Variants in UNC13C observed in about 807,000 individuals in gnomAD.
UNC13C encodes the protein unc-13 homolog C.
In UNC13C, 174 loss-of-function variants were observed where a neutral mutation model predicts 245.4. The observed-to-expected ratio is 0.71, with a 90% CI of 0.63 to 0.80. The LOEUF (loss-of-function observed/expected upper bound fraction) is 0.80. Ranked by LOEUF, UNC13C falls within the 30% of genes least tolerant of loss-of-function variation. The pLI is 0.00. For missense variants in UNC13C, 2,829 were observed against 2,602.9 expected (o/e 1.09, Z -1.89); for synonymous variants, 992 against 895.1 (o/e 1.11, Z -1.93).
chr15:54,236,913 A>G (rs12914335), intron 6 of UNC13C, among the ~76,000 whole-genome samples: 38,727 of 152,072 alleles, frequency 0.25, 5,537 homozygotes, highest in Non-Finnish European at 0.31. Context: ...CTGTTCCCAT[A>G]TGGAGGTTCT....
intron 19 of UNC13C, among the ~76,000 whole-genome samples, chr15:54,447,040 T>G (rs1380370512): frequency 6.6e-6 from 1 of 152,202 alleles, no homozygotes; most frequent in Non-Finnish European, 1.5e-5. Flanking sequence ...CTGCCTCTAT[T>G]GAGGTAATCA....
chr15:54,364,411 A>G (rs1021109661), intron 17 of UNC13C, among the ~76,000 whole-genome samples: 1 of 152,204 alleles, frequency 6.6e-6, no homozygotes, highest in Non-Finnish European at 1.5e-5. Context: ...GTTAGCCACC[A>G]ACAAAGCTCA....
intron 2 of UNC13C, among the ~76,000 whole-genome samples, chr15:54,028,213 T>C (rs975475381): frequency 3.3e-5 from 5 of 152,182 alleles, no homozygotes; most frequent in Non-Finnish European, 7.4e-5. Flanking sequence ...ATGTACACAA[T>C]GAACTATTTT....
At chr15:54,160,179 C>G (rs1284830350) in intron 4 of UNC13C, among the ~76,000 whole-genome samples, 1 of 151,592 alleles carries the variant, frequency 6.6e-6, no homozygotes, top group African/African-American at 2.4e-5. Context: ...GCATGTTTTG[C>G]TTGGGAAAAA....
intron 24 of UNC13C, among the ~76,000 whole-genome samples, chr15:54,524,480 A>G (rs1324526281): frequency 1.3e-5 from 2 of 152,324 alleles, no homozygotes; most frequent in Admixed American, 6.5e-5. Flanking sequence ...GCCAAATGCA[A>G]TATTTGATTT....
At chr15:54,472,213 C>T (rs754167370) in intron 19 of UNC13C, among the ~76,000 whole-genome samples, 11 of 151,738 alleles carry the variant, frequency 7.2e-5, no homozygotes, top group Non-Finnish European at 1.0e-4. Context: ...AATCACCCAA[C>T]TTTGATAGCC....
the UNC13C span, among the ~76,000 whole-genome samples, chr15:53,847,797 C>A: frequency 6.6e-6 from 1 of 152,070 alleles, no homozygotes; most frequent in Non-Finnish European, 1.5e-5. Flanking sequence ...TAAACATGCA[C>A]CATTGTGATA....
intron 10 of UNC13C, among the ~76,000 whole-genome samples, chr15:54,277,774 G>A (rs770452576): frequency 1.3e-5 from 2 of 152,084 alleles, no homozygotes; most frequent in African/African-American, 2.4e-5. Flanking sequence ...TTTTTCAATT[G>A]CATGTTCAAT....
chr15:53,947,559 C>T, the UNC13C span: 1 of 152,220 alleles, frequency 6.6e-6, no homozygotes, highest in Non-Finnish European at 1.5e-5. Flanking sequence ...CTTAGACCAT[C>T]ATGCCTCTGA....
chr15:54,134,223 A>AC, intron 2 of UNC13C, among the ~76,000 whole-genome samples: 1 of 148,860 alleles, frequency 6.7e-6, no homozygotes, highest in Non-Finnish European at 1.5e-5. Flanking sequence ...TATTTCCCCC[A>AC]CCCCCAGCCC....
At chr15:54,417,686 A>G (rs773078378) in intron 19 of UNC13C, among the ~76,000 whole-genome samples, 4 of 152,142 alleles carry the variant, frequency 2.6e-5, no homozygotes, top group Non-Finnish European at 4.4e-5. Context: ...TTTCAATTAT[A>G]TGAGATTAGA....
chr15:54,180,034 A>G (rs539476003), intron 4 of UNC13C, among the ~76,000 whole-genome samples: 30 of 152,156 alleles, frequency 2.0e-4, no homozygotes, highest in African/African-American at 7.2e-4. Context: ...TTTTACTTTC[A>G]GGGGGTATAC....
intron 2 of UNC13C, among the ~76,000 whole-genome samples, chr15:54,123,186 A>T (rs2030796041): frequency 6.6e-6 from 1 of 151,878 alleles, no homozygotes; most frequent in Non-Finnish European, 1.5e-5. Flanking sequence ...TCATTACCCC[A>T]AGACTAATGA....
intron 8 of UNC13C, among the ~76,000 whole-genome samples, chr15:54,257,966 G>A (rs1218727791): frequency 6.6e-6 from 1 of 152,100 alleles, no homozygotes; most frequent in Non-Finnish European, 1.5e-5. Flanking sequence ...AATGAAAGCA[G>A]GCCCACCTAC....
At chr15:54,108,477 G>A (rs895968300) in intron 2 of UNC13C, among the ~76,000 whole-genome samples, 8 of 152,220 alleles carry the variant, frequency 5.3e-5, no homozygotes, top group Middle Eastern at 3.4e-3. Context: ...TTGAGCCACC[G>A]TGCCTGGCCT....
intron 26 of UNC13C, among the ~76,000 whole-genome samples, chr15:54,543,458 G>A (rs576270198): frequency 3.3e-5 from 5 of 152,142 alleles, no homozygotes; most frequent in African/African-American, 9.6e-5. Context: ...CAGAACTGAA[G>A]GAGATAGAGA....
chr15:53,892,033 G>A, the UNC13C span, among the ~76,000 whole-genome samples: 1 of 152,166 alleles, frequency 6.6e-6, no homozygotes, highest in Non-Finnish European at 1.5e-5. Context: ...GTTTCCTTCA[G>A]GAGCTCTTGT....
chr15:54,359,661 T>C (rs900948474), intron 17 of UNC13C, among the ~76,000 whole-genome samples: 1 of 151,914 alleles, frequency 6.6e-6, no homozygotes, highest in African/African-American at 2.4e-5. Flanking sequence ...TGTATTTGTA[T>C]TGAATCATTT....
At chr15:54,242,041 G>A (rs972145243) in intron 7 of UNC13C, among the ~76,000 whole-genome samples, 1 of 152,110 alleles carries the variant, frequency 6.6e-6, no homozygotes, top group Non-Finnish European at 1.5e-5. Flanking sequence ...TCATGTCCTT[G>A]ATTTTCTTAT....
Sources: allele counts gnomAD v4.1 joint callset (sites outside exome capture counted in the v4.1 genomes callset), GRCh38; gene constraint gnomAD v4.1.1; transcripts MANE v1.5; gene names NCBI Gene and HGNC (gene_info 2026-07-23, HGNC 2026-07-21).